CCDC110: variants seen among roughly 807,000 people sequenced by gnomAD.
CCDC110 encodes the protein coiled-coil domain-containing protein 110.
Under a neutral mutation model 77.1 loss-of-function variants are expected in CCDC110, and 70 were observed. The ratio of observed to expected loss-of-function variants is 0.91; its 90% CI spans 0.75 to 1.11. CCDC110 has a LOEUF of 1.11. Among genes scored for constraint, CCDC110 ranks in the 50% least tolerant of loss-of-function variants. The pLI is 0.00. For synonymous variants in CCDC110, 295 were observed against 312.5 expected (o/e 0.94, Z 0.59); for missense variants, 868 against 942.9 (o/e 0.92, Z 1.04).
At chr4:185,470,604 CGTAGCGTGGTG>C in intron 2 of CCDC110, 2 of 479,632 alleles carry the variant, frequency 4.2e-6, no homozygotes, top group Non-Finnish European at 8.2e-6. Flanking sequence ...AGCAACGGAG[CGTAGCGTGGTG>C]GTGAAGACAG....
chr4:185,452,297 T>C (rs1580170778), intron 6 of CCDC110: 9 of 985,428 alleles, frequency 9.1e-6, no homozygotes, highest in Non-Finnish European at 1.1e-5. Context: ...CAATGAGTAA[T>C]GGAAGAAATA....
chr4:185,462,925 G>A, intron 3 of CCDC110, 69 bp downstream of exon 3: 4 of 1,282,866 alleles, frequency 3.1e-6, no homozygotes, highest in Non-Finnish European at 2.3e-6. Context: ...CATTTAGGGA[G>A]TATTTATTCT....
In CCDC110 at chr4:185,458,637, T is replaced by C. The variant is rs1198755453; in HGVS notation, c.1950A>G (p.Glu650=). 2 of 1,608,634 alleles carry C rather than the reference T, an allele frequency of 1.2e-6. No individual in the cohort carries two copies. The highest frequency in any genetic ancestry group is 2.7e-5 in the African/African-American group (2 of 74,888). The stretch of plus-strand genomic sequence containing the variant: ...CCATAATTTGTCTGGCAGCAGTAGA[T>C]TCTTGTAATGTTGTTTCAAGGTTGA... The part of the protein sequence containing the change: ...EKLNLETTLQ[E]STAARQIMER... The change falls in exon 6 of 7, where the codon GAA becomes GAG. Residue 650 remains glutamate, a synonymous_variant. Coordinates refer to ENST00000307588, the MANE Select transcript of CCDC110 (RefSeq NM_152775.4).
chr4:185,465,303 G>C (rs773310959), intron 2 of CCDC110, among the ~76,000 whole-genome samples: 2 of 152,194 alleles, frequency 1.3e-5, no homozygotes, highest in African/African-American at 4.8e-5. Context: ...CTAAATATAA[G>C]ATTCCTTTAG....
intron 6 of CCDC110, among the ~76,000 whole-genome samples, chr4:185,447,834 G>C (rs2095618542): frequency 6.6e-6 from 1 of 152,116 alleles, no homozygotes; most frequent in African/African-American, 2.4e-5. Context: ...ATACCAAATA[G>C]AAGCTAAACT....
rs772171434 is a variant in CCDC110 at position 185,459,431 on chromosome 4, C to T, written c.1156G>A (p.Asp386Asn). Reference protein sequence around the residue: ...RVPRYTLSFLDQTKHEMKDKE... With the variant: ...RVPRYTLSFLNQTKHEMKDKE... ...TCTTTCATTTCATGTTTTGTTTGGT[C>T]GAGGAAGGACAGTGTGTATCTTGGA... The change falls in exon 6 of 7, where the codon GAC becomes AAC. Residue 386 changes from aspartate to asparagine, a missense_variant. By Grantham distance (23) the Asp-to-Asn change is conservative. Coordinates refer to ENST00000307588, the MANE Select transcript of CCDC110 (RefSeq NM_152775.4). 1.7e-5 allele frequency: 28 copies of T among 1,612,682 alleles called. No homozygotes were observed. The highest frequency in any genetic ancestry group is 1.3e-4 in the Admixed American group (8 of 59,958).
chr4:185,451,614 C>T (rs2095629350), intron 6 of CCDC110, among the ~76,000 whole-genome samples: 1 of 152,112 alleles, frequency 6.6e-6, no homozygotes, highest in African/African-American at 2.4e-5. Context: ...ATGGCCTTAC[C>T]AAGTACACAT....
chr4:185,450,815 G>A (rs558281255), intron 6 of CCDC110, among the ~76,000 whole-genome samples: 1 of 151,924 alleles, frequency 6.6e-6, no homozygotes, highest in Admixed American at 6.6e-5. Flanking sequence ...GTGAGGTATT[G>A]ATAGCCCTCA....
At chr4:185,457,989 TAATA>T in intron 6 of CCDC110, 133 bp downstream of exon 6, 3 of 657,662 alleles carry the variant, frequency 4.6e-6, no homozygotes, top group South Asian at 6.6e-5. Context: ...TTTCACTGTA[TAATA>T]AATTGGATAC....
intron 6 of CCDC110, among the ~76,000 whole-genome samples, chr4:185,453,195 C>T (rs1190309901): frequency 6.6e-6 from 1 of 152,146 alleles, no homozygotes; most frequent in Non-Finnish European, 1.5e-5. Flanking sequence ...TGGTGAGACC[C>T]TGTCTCTAAA....
At chr4:185,449,408 CT>C (rs1367581164) in intron 6 of CCDC110, among the ~76,000 whole-genome samples, 2 of 151,940 alleles carry the variant, frequency 1.3e-5, no homozygotes, top group Non-Finnish European at 2.9e-5. Flanking sequence ...GTAGTTTCAG[CT>C]ACTTGGGCGG....
intron 5 of CCDC110, chr4:185,460,778 A>G: frequency 2.7e-6 from 1 of 368,164 alleles, no homozygotes; most frequent in Non-Finnish European, 5.2e-6. Context: ...TGGCTATAAA[A>G]ACTGCCTTGC....
chr4:185,463,879 G>A (rs1232550015), intron 2 of CCDC110, among the ~76,000 whole-genome samples: 2 of 152,238 alleles, frequency 1.3e-5, no homozygotes, highest in South Asian at 2.1e-4. Context: ...TGTTGCATCC[G>A]GTGCTTGACT....
intron 2 of CCDC110, among the ~76,000 whole-genome samples, chr4:185,469,406 G>A (rs1350321116): frequency 1.3e-5 from 2 of 152,196 alleles, no homozygotes; most frequent in East Asian, 1.9e-4. Context: ...ATGTACATGT[G>A]CTATTTTGCA....
chr4:185,465,241 T>C lies in CCDC110; in HGVS notation c.116-2192A>G, dbSNP rs142645942. 6.2e-3 allele frequency among the ~76,000 whole-genome samples: 937 copies of C among 152,350 alleles called. 8 individuals are homozygous for C. Among genetic ancestry groups the C allele is most frequent in the African/African-American group, 0.021 (864 of 41,582 alleles). On this transcript the variant is annotated intron_variant, in intron 2 of 6. Coordinates refer to ENST00000307588, the MANE Select transcript of CCDC110 (RefSeq NM_152775.4). ...TCCTTCCCATACCTACAGGAATAGCTTCCTTTTTCTGTACAGATTTCCTTT... is the reference window on the plus strand; with the variant it reads ...TCCTTCCCATACCTACAGGAATAGCCTCCTTTTTCTGTACAGATTTCCTTT...
chr4:185,463,134 T>A (rs945351257), intron 2 of CCDC110, 85 bp from the exon 3 acceptor site: 11 of 976,650 alleles, frequency 1.1e-5, no homozygotes, highest in African/African-American at 1.6e-5. Flanking sequence ...TCTCCTAACT[T>A]GCTTGGATAG....
chr4:185,445,282 C>T lies in CCDC110; in HGVS notation c.*220G>A, dbSNP rs1392864346. The T allele has an allele frequency of 1.4e-6, 1 of 737,622 alleles. No individual in the cohort carries two copies. Among genetic ancestry groups the T allele is most frequent in the African/African-American group, 1.8e-5 (1 of 56,348 alleles). 45.7% of individuals were successfully genotyped at this position (737,622 alleles called of 1,614,324 possible). ...TCTCAGCTCCTTCCATGTACAGGTA[C>T]CTGCCCTCCCTTGTAGAAGTTCTCC... is the stretch of plus-strand genomic sequence containing the variant. On this transcript the variant is annotated 3_prime_UTR_variant, in exon 7 of 7. Transcript: ENST00000307588.
chr4:185,458,970 C>A lies in CCDC110; in HGVS notation c.1617G>T (p.Met539Ile). 6.2e-7 allele frequency: 1 copy of A among 1,606,758 alleles called. No individual in the cohort carries two copies. Among genetic ancestry groups the A allele is most frequent in the Non-Finnish European group, 8.5e-7 (1 of 1,178,150 alleles). The change falls in exon 6 of 7, where the codon ATG becomes ATT. Residue 539 changes from methionine to isoleucine, a missense_variant. Met to Ile is a conservative substitution (Grantham distance 10). Transcript: ENST00000307588. ...NIQLSLEKQQ[M>I]MEALDQLKSK... is the part of the protein sequence containing the mutation. Reference sequence around the variant, plus strand: ...TTTTTAGTTGATCTAATGCTTCCATCATTTGTTGCTTCTCTAAAGAAAGTT... The same window carrying A: ...TTTTTAGTTGATCTAATGCTTCCATAATTTGTTGCTTCTCTAAAGAAAGTT...
At position 185,459,701 on chromosome 4, in the gene CCDC110, C is replaced by T. The variant is rs752660826; in HGVS notation, c.886G>A (p.Glu296Lys). The T allele has an allele frequency of 6.2e-7, 1 of 1,612,900 alleles. No individual in the cohort carries two copies. Among genetic ancestry groups the T allele is most frequent in the South Asian group, 1.1e-5 (1 of 90,664 alleles). ...TTTAAGTTACCGTCCAAGTTTTCTTCCTTAATAAAGTTCATTTTATCCTGG... is the reference window on the plus strand; with the variant it reads ...TTTAAGTTACCGTCCAAGTTTTCTTTCTTAATAAAGTTCATTTTATCCTGG... ...IHQDKMNFIK[E>K]ENLDGNLNED... The change falls in exon 6 of 7, where the codon GAA (glutamate) becomes AAA (lysine). Residue 296 changes from glutamate to lysine, a missense_variant. Transcript: ENST00000307588.
Sources: allele counts gnomAD v4.1 joint callset (sites outside exome capture counted in the v4.1 genomes callset), GRCh38; gene constraint gnomAD v4.1.1; transcripts MANE v1.5; gene names NCBI Gene and HGNC (gene_info 2026-07-23, HGNC 2026-07-21).